The following DNAH12 variants were observed in gnomAD, a reference collection of about 807,000 sequenced individuals.
DNAH12 encodes the protein dynein axonemal heavy chain 12, also known as axonemal beta dynein heavy chain 12.
Under a neutral mutation model 371.5 loss-of-function variants are expected in DNAH12, and 285 were observed. That is an observed-to-expected ratio of 0.77 (90% CI 0.70 to 0.85). DNAH12 has a LOEUF of 0.85. Among genes scored for constraint, DNAH12 ranks in the 40% least tolerant of loss-of-function variants. The pLI is 0.00. For missense variants in DNAH12, 3,611 were observed against 3,689.4 expected, an observed-to-expected ratio of 0.98 and a Z score of 0.55; for synonymous variants, 1,200 against 1,213.0, an observed-to-expected ratio of 0.99 and a Z score of 0.22.
chr3:57,476,892 T>A (rs2066547105), intron 13 of DNAH12, among the ~76,000 whole-genome samples: 1 of 152,130 alleles, frequency 6.6e-6, no homozygotes, highest in Non-Finnish European at 1.5e-5. Flanking sequence ...TCTATATTGT[T>A]TAAGGACATA....
At chr3:57,369,861 C>T (rs944978370) in intron 55 of DNAH12, among the ~76,000 whole-genome samples, 10 of 152,028 alleles carry the variant, frequency 6.6e-5, no homozygotes, top group Non-Finnish European at 1.2e-4. Context: ...CTTGGTAATG[C>T]CTAAATAAAT....
chr3:57,389,155 T>C (rs2063557509), intron 45 of DNAH12, among the ~76,000 whole-genome samples: 1 of 152,100 alleles, frequency 6.6e-6, no homozygotes, highest in East Asian at 1.9e-4. Context: ...CCAGTTCATG[T>C]ATATTTTATC....
chr3:57,448,589 C>T (rs1399272413), intron 25 of DNAH12, among the ~76,000 whole-genome samples: 1 of 152,204 alleles, frequency 6.6e-6, no homozygotes, highest in Non-Finnish European at 1.5e-5. Context: ...AACAAAGCTT[C>T]CACAGCGTGG....
chr3:57,492,983 C>T (rs916165584), intron 11 of DNAH12, among the ~76,000 whole-genome samples: 25 of 149,648 alleles, frequency 1.7e-4, no homozygotes, highest in African/African-American at 5.2e-4. Flanking sequence ...CCAGCCTGGG[C>T]GACAGGGCGA....
At chr3:57,322,928 T>A in intron 64 of DNAH12, 79 bp downstream of exon 64, 3 of 1,491,558 alleles carry the variant, frequency 2.0e-6, no homozygotes, top group Non-Finnish European at 2.7e-6. Context: ...AGACTCCGTC[T>A]CAAAACAAAC....
At chr3:57,461,234 C>T (rs1357608446) in intron 19 of DNAH12, among the ~76,000 whole-genome samples, 1 of 152,166 alleles carries the variant, frequency 6.6e-6, no homozygotes, top group African/African-American at 2.4e-5. Context: ...TCAAGTCTAT[C>T]ACTGCCATTG....
At chr3:57,499,673 T>TATATATATACACACAC (rs771112538) in intron 11 of DNAH12, among the ~76,000 whole-genome samples, 18 of 44,450 alleles carry the variant, frequency 4.0e-4, no homozygotes, top group South Asian at 1.2e-3. Context: ...TATATATATA[T>TATATATATACACACAC]ATACTTCTTA....
chr3:57,447,407 T>G (rs747107618), intron 25 of DNAH12, among the ~76,000 whole-genome samples: 2 of 152,206 alleles, frequency 1.3e-5, no homozygotes, highest in African/African-American at 2.4e-5. Context: ...CTATGGAGTC[T>G]GTTTCACGGG....
intron 2 of DNAH12, among the ~76,000 whole-genome samples, chr3:57,536,960 G>T (rs1008774712): frequency 6.6e-6 from 1 of 152,238 alleles, no homozygotes. Context: ...CAGCACTTTG[G>T]GAGGCCAAGG....
chr3:57,395,604 G>A (rs1485115679), intron 43 of DNAH12, among the ~76,000 whole-genome samples: 1 of 151,936 alleles, frequency 6.6e-6, no homozygotes, highest in African/African-American at 2.4e-5. Flanking sequence ...TTTTAAAGTA[G>A]TATTGTATCA....
chr3:57,489,494 A>G lies in DNAH12; in HGVS notation c.1514+15T>C. The G allele has an allele frequency of 6.7e-7, 1 of 1,496,348 alleles. No individual in the cohort carries two copies. Among genetic ancestry groups the G allele is most frequent in the Non-Finnish European group, 8.9e-7 (1 of 1,128,676 alleles). The allele number at this position is 1,496,348 out of a possible 1,614,324, so 92.7% of individuals were successfully genotyped here. On this transcript the variant is annotated intron_variant, in intron 12 of 73. Coordinates refer to ENST00000495027, the MANE Select transcript of DNAH12 (RefSeq NM_001366028.2). ...TAGCCATATAATTCTGAGCTTGGGA[A>G]TTAATTCTACTTACCATTCATTTTC...
chr3:57,403,199 T>A, intron 43 of DNAH12, 110 bp downstream of exon 43: 1 of 1,070,920 alleles, frequency 9.3e-7, no homozygotes, highest in Non-Finnish European at 1.3e-6. Context: ...AGTATTAGCA[T>A]CATCATCATC....
intron 29 of DNAH12, among the ~76,000 whole-genome samples, chr3:57,441,905 C>G (rs1272525857): frequency 6.6e-6 from 1 of 152,094 alleles, no homozygotes; most frequent in African/African-American, 2.4e-5. Context: ...CATAGTCAAA[C>G]TGCTCAAAAC....
chr3:57,341,780 G>A (rs967513429), intron 60 of DNAH12, among the ~76,000 whole-genome samples: 1 of 151,834 alleles, frequency 6.6e-6, no homozygotes, highest in East Asian at 1.9e-4. Flanking sequence ...AATTTGCATG[G>A]AACCACGAAA....
chr3:57,324,229 T>C (rs2061878175), intron 62 of DNAH12, among the ~76,000 whole-genome samples: 1 of 152,124 alleles, frequency 6.6e-6, no homozygotes, highest in African/African-American at 2.4e-5. Flanking sequence ...TCTGAGCTGT[T>C]AGGAGAGAGA....
At chr3:57,480,187 G>GA (rs199752280) in intron 13 of DNAH12, among the ~76,000 whole-genome samples, 63,725 of 151,074 alleles carry the variant, frequency 0.42, 14,930 homozygotes, top group South Asian at 0.58. Flanking sequence ...GACTAATAAA[G>GA]AAGAAAAGAG....
chr3:57,422,419 C>T (rs1171120879), intron 35 of DNAH12, among the ~76,000 whole-genome samples: 1 of 152,056 alleles, frequency 6.6e-6, no homozygotes, highest in Non-Finnish European at 1.5e-5. Flanking sequence ...TGGTCTCGAT[C>T]TCCTGACCCC....
intron 51 of DNAH12, 100 bp from the exon 52 acceptor site, chr3:57,379,398 T>C (rs956832523): frequency 2.6e-5 from 4 of 152,190 alleles, no homozygotes; most frequent in Non-Finnish European, 5.9e-5. Flanking sequence ...ATAAAAAAGT[T>C]AATGTTGGCT....
At chr3:57,481,557 T>G (rs1477532662) in intron 13 of DNAH12, among the ~76,000 whole-genome samples, 3 of 152,148 alleles carry the variant, frequency 2.0e-5, no homozygotes, top group South Asian at 4.2e-4. Context: ...CTTCACAGAA[T>G]TGGAAAAAAC....
Sources: allele counts gnomAD v4.1 joint callset (sites outside exome capture counted in the v4.1 genomes callset), GRCh38; gene constraint gnomAD v4.1.1; transcripts MANE v1.5; gene names NCBI Gene and HGNC (gene_info 2026-07-23, HGNC 2026-07-21).